The following EFHB variants were observed in gnomAD, a reference collection of about 807,000 sequenced individuals.
EFHB encodes the protein EF-hand domain-containing family member B.
A neutral mutation model predicts 87.2 loss-of-function variants in EFHB; 91 were observed. The ratio of observed to expected loss-of-function variants is 1.04; its 90% CI spans 0.88 to 1.24. EFHB has a LOEUF of 1.24. Ranked by LOEUF, EFHB falls within the 50% of genes most tolerant of loss-of-function variation. EFHB has a pLI of 0.00. For missense variants in EFHB, 1,084 were observed against 998.8 expected, an observed-to-expected ratio of 1.09 and a Z score of -1.15; for synonymous variants, 325 against 333.6, an observed-to-expected ratio of 0.97 and a Z score of 0.28.
Position 19,933,716 on chromosome 3 carries a change from T to C in EFHB, c.303A>G (p.Lys101=). ...VDSVSASQGT[K]PSLLPGRMGL... ...CCATTCTTCCTGGCAACAGAGAAGGTTTTGTTCCCTGTGAAGCTGAGACAC... is the reference window on the plus strand; with the variant it reads ...CCATTCTTCCTGGCAACAGAGAAGGCTTTGTTCCCTGTGAAGCTGAGACAC... The change falls in exon 1 of 13, where the codon AAA becomes AAG. Residue 101 remains lysine, a synonymous_variant. Transcript: ENST00000295824. 1.2e-6 allele frequency: 2 copies of C among 1,613,868 alleles called. No individual in the cohort carries two copies. Among genetic ancestry groups the C allele is most frequent in the Non-Finnish European group, 1.7e-6 (2 of 1,179,856 alleles).
Position 19,896,815 on chromosome 3 carries a change from G to T in EFHB, c.1597C>A (p.Leu533Ile). Residue 533 changes from leucine to isoleucine, a missense_variant, in exon 9 of 13, where the codon CTT becomes ATT. Transcript: ENST00000295824. ...TTGCCTCGAAGATATTCATCCGGAA[G>T]TCTATTATGGATGAGATCACCAACT... is the stretch of plus-strand genomic sequence containing the variant. Reference protein sequence around the residue: ...YGVGDLIHNRLPDEYLRGKDR... With the variant: ...YGVGDLIHNRIPDEYLRGKDR... The T allele has an allele frequency of 6.2e-7, 1 of 1,613,792 alleles. No homozygotes were observed.
chr3:19,880,891 C>G (rs1486142907), intron 12 of EFHB, among the ~76,000 whole-genome samples: 2 of 149,520 alleles, frequency 1.3e-5, no homozygotes, highest in Admixed American at 6.7e-5. Flanking sequence ...TTAAAAGAAG[C>G]ATTTACTATG....
upstream of EFHB, among the ~76,000 whole-genome samples, chr3:19,937,088 G>C (rs965156192): frequency 7.3e-5 from 11 of 151,518 alleles, no homozygotes; most frequent in African/African-American, 2.7e-4. Context: ...AGAATCACTT[G>C]AACCGGGGAG....
intron 4 of EFHB, among the ~76,000 whole-genome samples, chr3:19,917,963 AT>A (rs1297164574): frequency 2.6e-5 from 4 of 152,132 alleles, no homozygotes; most frequent in Non-Finnish European, 5.9e-5. Context: ...CCCAGAGCCA[AT>A]TTTTGTTGAG....
intron 5 of EFHB, among the ~76,000 whole-genome samples, chr3:19,910,655 T>G (rs1392152617): frequency 6.6e-6 from 1 of 152,148 alleles, no homozygotes; most frequent in African/African-American, 2.4e-5. Flanking sequence ...TGAGACCAAA[T>G]GCTACACTAG....
At position 19,933,804 on chromosome 3, in the gene EFHB, A is replaced by T; in HGVS notation, c.215T>A (p.Met72Lys). The T allele has an allele frequency of 1.2e-6, 2 of 1,613,766 alleles. No homozygotes were observed. Among genetic ancestry groups the T allele is most frequent in the Non-Finnish European group, 1.7e-6 (2 of 1,179,828 alleles). Residue 72 changes from methionine to lysine, a missense_variant, in exon 1 of 13, where the codon ATG (methionine) becomes AAG (lysine). By Grantham distance (95) the Met-to-Lys change is moderately conservative. Transcript: ENST00000295824. ...TKFPLSKGLE[M>K]GLERQNISRT... is the part of the protein sequence containing the mutation. ...AGAAATATTCTGTCTTTCTAATCCCATTTCAAGCCCCTTGCTCAATGGAAA... is the reference window on the plus strand; with the variant it reads ...AGAAATATTCTGTCTTTCTAATCCCTTTTCAAGCCCCTTGCTCAATGGAAA...
At chr3:19,880,175 T>C (rs1222795885) in intron 12 of EFHB, among the ~76,000 whole-genome samples, 2 of 152,122 alleles carry the variant, frequency 1.3e-5, no homozygotes, top group South Asian at 4.1e-4. Flanking sequence ...ATTTCAGTCA[T>C]TTATTGTCAT....
upstream of EFHB, among the ~76,000 whole-genome samples, chr3:19,935,185 A>T (rs1695982855): frequency 6.6e-6 from 1 of 152,210 alleles, no homozygotes; most frequent in South Asian, 2.1e-4. Context: ...GTCGGATTAC[A>T]GGCGTGAGCC....
intron 10 of EFHB, among the ~76,000 whole-genome samples, chr3:19,885,511 A>G (rs1409223027): frequency 6.6e-6 from 1 of 152,244 alleles, no homozygotes; most frequent in African/African-American, 2.4e-5. Context: ...TGCTGAGCCA[A>G]TTCTGAAATT....
chr3:19,898,780 T>C lies in EFHB; in HGVS notation c.1568A>G (p.Tyr523Cys), dbSNP rs1694568958. The C allele has an allele frequency of 6.2e-7, 1 of 1,613,500 alleles. No individual in the cohort carries two copies. The highest frequency in any genetic ancestry group is 8.5e-7 in the Non-Finnish European group (1 of 1,179,652). ...ACGGAGAAAGTGTGTATATTTACCA[T>C]ATTCCTCAGGACGGAGACAAGCTCC... ...TFGACLRPEE[Y>C]GVGDLIHNRL... is the part of the protein sequence containing the mutation. The change falls in exon 8 of 13, where the codon TAT (tyrosine) becomes TGT (cysteine). Residue 523 changes from tyrosine to cysteine, a missense_variant and splice_region_variant. Physicochemically the swap from Tyr to Cys is radical, Grantham distance 194. Transcript: ENST00000295824.
chr3:19,879,723 GC>G lies in EFHB; in HGVS notation c.2409del (p.Lys803AsnfsTer16), dbSNP rs1291804374. On this transcript the variant is annotated frameshift_variant, in exon 13 of 13. Transcript: ENST00000295824. LOFTEE classifies it high-confidence loss of function. The stretch of plus-strand genomic sequence containing the variant: ...TCAACACAAACTTCTCCTCTGTGAT[GC>G]TTTTTTGATGCAAGATTCCATACAT... ...FENVWNLASK[K>X]HHRGEVCVEN... The G allele has an allele frequency of 1.2e-6, 2 of 1,610,500 alleles. No individual in the cohort carries two copies. The highest frequency in any genetic ancestry group is 2.2e-5 in the South Asian group (2 of 90,436).
At chr3:19,907,046 A>T (rs1025320133) in intron 5 of EFHB, among the ~76,000 whole-genome samples, 40 of 130,424 alleles carry the variant, frequency 3.1e-4, no homozygotes, top group Non-Finnish European at 5.4e-4. Flanking sequence ...AAAATAGATT[A>T]AAAAAAAAAA....
chr3:19,888,329 G>A, intron 10 of EFHB, 115 bp downstream of exon 10: 1 of 458,454 alleles, frequency 2.2e-6, no homozygotes, highest in Non-Finnish European at 3.2e-6. Flanking sequence ...GAGTTCAAGG[G>A]CAAGTAGGAC....
chr3:19,885,361 TACA>T (rs936729058), intron 10 of EFHB, among the ~76,000 whole-genome samples: 1 of 152,140 alleles, frequency 6.6e-6, no homozygotes, highest in African/African-American at 2.4e-5. Context: ...GAGCATGCAC[TACA>T]ACATCAAGAG....
chr3:19,887,223 A>G (rs746968089), intron 10 of EFHB, among the ~76,000 whole-genome samples: 20 of 152,048 alleles, frequency 1.3e-4, no homozygotes, highest in Non-Finnish European at 2.4e-4. Flanking sequence ...TCTGCTAAAA[A>G]TACAAAAAAT....
At chr3:19,909,160 C>T (rs1694970051) in intron 5 of EFHB, among the ~76,000 whole-genome samples, 1 of 151,616 alleles carries the variant, frequency 6.6e-6, no homozygotes, top group South Asian at 2.1e-4. Flanking sequence ...AAAAAAGGCA[C>T]TCAAGAGATA....
intron 9 of EFHB, among the ~76,000 whole-genome samples, chr3:19,892,812 G>A (rs1170637397): frequency 2.0e-5 from 3 of 151,246 alleles, no homozygotes; most frequent in Non-Finnish European, 4.4e-5. Flanking sequence ...CTATGATGGT[G>A]CCACTGCACT....
intron 10 of EFHB, among the ~76,000 whole-genome samples, chr3:19,886,888 T>G (rs547344462): frequency 6.6e-6 from 1 of 152,092 alleles, no homozygotes; most frequent in Non-Finnish European, 1.5e-5. Context: ...GAGACAATAA[T>G]AACATTCATA....
At position 19,899,492 on chromosome 3, in the gene EFHB, G is replaced by C. The variant is rs759576139; in HGVS notation, c.1442C>G (p.Ser481Cys). The C allele has an allele frequency of 1.9e-6, 3 of 1,604,332 alleles. No homozygotes were observed. Among genetic ancestry groups the C allele is most frequent in the Non-Finnish European group, 2.5e-6 (3 of 1,176,498 alleles). The part of the protein sequence containing the change: ...LQMKRGAKFV[S>C]KRADDFKEKF... ...TTCTTTGAAATCATCTGCTCTTTTG[G>C]ATACAAACTTAGCTCCTCTTTTCCT... Residue 481 changes from serine (S) to cysteine (C), a missense_variant, in exon 7 of 13, where the codon TCC becomes TGC. Transcript: ENST00000295824.
Sources: gnomAD v4.1 joint callset for allele counts (sites outside exome capture counted in the v4.1 genomes callset) on GRCh38, gnomAD v4.1.1 for gene constraint, MANE v1.5 for transcripts, NCBI Gene and HGNC (gene_info 2026-07-23, HGNC 2026-07-21) for gene names.